HFM1: variants seen among roughly 807,000 people sequenced by gnomAD.
HFM1 encodes the protein probable ATP-dependent DNA helicase HFM1.
A neutral mutation model predicts 192.1 loss-of-function variants in HFM1; 169 were observed. That is an observed-to-expected ratio of 0.88 (90% CI 0.78 to 1.00). HFM1 has a LOEUF of 1.00. Among genes scored for constraint, HFM1 ranks in the 50% least tolerant of loss-of-function variants. The pLI is 0.00. For synonymous variants in HFM1, 525 were observed against 537.8 expected (o/e 0.98, Z 0.33); for missense variants, 1,661 against 1,668.0 (o/e 1.00, Z 0.07).
At chr1:91,299,360 C>T (rs1648276294) in intron 30 of HFM1, among the ~76,000 whole-genome samples, 1 of 152,140 alleles carries the variant, frequency 6.6e-6, no homozygotes, top group African/African-American at 2.4e-5. Flanking sequence ...CCACTGTCAA[C>T]ATTAGACAGA....
In HFM1 at chr1:91,385,566, A is replaced by T; in HGVS notation, c.754+9T>A. The T allele has an allele frequency of 2.5e-6, 4 of 1,604,840 alleles. No individual in the cohort carries two copies. The highest frequency in any genetic ancestry group is 3.4e-6 in the Non-Finnish European group (4 of 1,174,282). On this transcript the variant is annotated intron_variant, in intron 5 of 38. Coordinates refer to ENST00000370425, the MANE Select transcript of HFM1 (RefSeq NM_001017975.6). ...ACTCATAAAATGAACTGAAAAAGCAAGAAATTACCTTGAATATCATGAGGT... is the reference window on the plus strand; with the variant it reads ...ACTCATAAAATGAACTGAAAAAGCATGAAATTACCTTGAATATCATGAGGT...
In HFM1 at chr1:91,276,630, T is replaced by G; in HGVS notation, c.3586A>C (p.Lys1196Gln). Reference sequence around the variant, plus strand: ...GGAAAAATGTTATTAAAACTAACCTTCAGACGTTTAACTGGAGGAACAGAT... The same window carrying G: ...GGAAAAATGTTATTAAAACTAACCTGCAGACGTTTAACTGGAGGAACAGAT... The part of the protein sequence containing the change: ...VSSVPPVKRL[K>Q]IQMNKSQSVD... Residue 1196 changes from lysine to glutamine, a missense_variant and splice_region_variant, in exon 32 of 39, where the codon AAG (lysine) becomes CAG (glutamine). By Grantham distance (53) the Lys-to-Gln change is moderately conservative (BLOSUM62 1). Transcript: ENST00000370425. 2.1e-6 allele frequency: 3 copies of G among 1,436,776 alleles called. No individual in the cohort carries two copies. Among genetic ancestry groups the G allele is most frequent in the Non-Finnish European group, 2.9e-6 (3 of 1,049,936 alleles). The allele number at this position is 1,436,776 out of a possible 1,614,324, so 89.0% of individuals were successfully genotyped here. A position where few individuals can be genotyped will look rare whatever the true frequency, so the allele number is the denominator to read the frequency against.
At chr1:91,278,918 C>T (rs1001556190) in intron 30 of HFM1, among the ~76,000 whole-genome samples, 6 of 152,022 alleles carry the variant, frequency 3.9e-5, no homozygotes, top group Non-Finnish European at 7.4e-5. Flanking sequence ...GTTTCTGAAA[C>T]TAGAGAAAAG....
chr1:91,314,015 A>G lies in HFM1; in HGVS notation c.3186T>C (p.Ala1062=). The change falls in exon 29 of 39, where the codon GCT becomes GCC. Residue 1062 remains alanine, a synonymous_variant. Transcript: ENST00000370425. ...LKAGSWAKKI[A]VKRALKSEDL... is the part of the protein sequence containing the mutation. ...CTTCAGATTTAAGAGCTCTTTTCAC[A>G]GCAATCTTTTTAGCCCAACTTCCAG... 3.1e-6 allele frequency: 5 copies of G among 1,611,446 alleles called. No homozygotes were observed. Among genetic ancestry groups the G allele is most frequent in the Non-Finnish European group, 4.2e-6 (5 of 1,178,328 alleles).
In HFM1 at chr1:91,329,353, A is replaced by T. The variant is rs1653455399; in HGVS notation, c.2336-4587T>A. On this transcript the variant is annotated intron_variant, in intron 20 of 38. Transcript: ENST00000370425. Reference sequence around the variant, plus strand: ...GAGGAGCGAATCCACAGTGGGGTCAAGAGGCTGAGTAAGAGTCATTAAGGC... The same window carrying T: ...GAGGAGCGAATCCACAGTGGGGTCATGAGGCTGAGTAAGAGTCATTAAGGC... 3.7e-6 allele frequency: 6 copies of T among 1,601,178 alleles called. No individual in the cohort carries two copies. The South Asian group carries it at 6.7e-5, about 18-fold the overall frequency.
upstream of HFM1, among the ~76,000 whole-genome samples, chr1:91,407,627 T>C (rs916209475): frequency 6.6e-6 from 1 of 152,250 alleles, no homozygotes; most frequent in Non-Finnish European, 1.5e-5. Context: ...ATACCACATT[T>C]TGTTTATCCA....
In HFM1 at chr1:91,262,502, T is replaced by C. The variant is rs771482382; in HGVS notation, c.4065A>G (p.Gln1355=). 1.9e-6 allele frequency: 3 copies of C among 1,601,440 alleles called. No homozygotes were observed. Among genetic ancestry groups the C allele is most frequent in the Middle Eastern group, 1.7e-4 (1 of 6,028 alleles). Reference sequence around the variant, plus strand: ...TTACAATAACTGCATTTCCGGCTTGTTGAGGTAATTTTGTCATGGAGGATG... The same window carrying C: ...TTACAATAACTGCATTTCCGGCTTGCTGAGGTAATTTTGTCATGGAGGATG... ...FSASSMTKLP[Q]QAGNAVIVHF... is the part of the protein sequence containing the mutation. The change falls in exon 37 of 39, where the codon CAA becomes CAG. Residue 1355 remains glutamine, a synonymous_variant. Coordinates refer to ENST00000370425, the MANE Select transcript of HFM1 (RefSeq NM_001017975.6).
Position 91,394,329 on chromosome 1 carries a change from T to C in HFM1, c.258A>G (p.Leu86=). The C allele has an allele frequency of 1.3e-6, 2 of 1,583,034 alleles. No individual in the cohort carries two copies. Among genetic ancestry groups the C allele is most frequent in the Admixed American group, 3.4e-5 (2 of 59,696 alleles). ...ITNEDTNYIS[L]TQKFQFAFPS... is the part of the protein sequence containing the mutation. ...GAAAGGCAAACTGGAATTTTTGTGT[T>C]AGTGAAATATAATTTGTATCTTCAT... Residue 86 remains leucine (L), a synonymous_variant, in exon 4 of 39, where the codon CTA becomes CTG. Transcript: ENST00000370425.
At chr1:91,374,779 A>C (rs1660702536) in intron 13 of HFM1, among the ~76,000 whole-genome samples, 1 of 152,172 alleles carries the variant, frequency 6.6e-6, no homozygotes, top group Admixed American at 6.6e-5. Context: ...TCAGTAAGGA[A>C]GTCTGGGCCG....
chr1:91,316,013 T>C lies in HFM1; in HGVS notation c.2983-41A>G, dbSNP rs142817087. The C allele has an allele frequency of 2.4e-4, 359 of 1,505,322 alleles. 2 individuals carry two copies. The East Asian group carries it at 7.9e-3, about 33-fold the overall frequency. The allele number at this position is 1,505,322 out of a possible 1,614,324, so 93.2% of individuals were successfully genotyped here. The stretch of plus-strand genomic sequence containing the variant: ...AGTATAAAAAGTGTTAAAAATAACC[T>C]TACTTCTCATACTCAGCTGAAGCCT... On this transcript the variant is annotated intron_variant, in intron 27 of 38. Transcript: ENST00000370425.
intron 38 of HFM1, 191 bp from the exon 39 acceptor site, chr1:91,261,550 G>A (rs1357838315): frequency 2.8e-6 from 1 of 359,682 alleles, no homozygotes; most frequent in African/African-American, 2.1e-5. Context: ...TTCATAAAAT[G>A]CAAATGGTAG....
At chr1:91,325,391 G>A (rs563917228) in intron 20 of HFM1, among the ~76,000 whole-genome samples, 1 of 152,316 alleles carries the variant, frequency 6.6e-6, no homozygotes. Context: ...GTCTGACCCA[G>A]CACAGTCCCA....
chr1:91,318,359 T>C (rs1281770785), intron 25 of HFM1, among the ~76,000 whole-genome samples: 1 of 152,144 alleles, frequency 6.6e-6, no homozygotes, highest in Non-Finnish European at 1.5e-5. Flanking sequence ...TCCCTAAAAA[T>C]CCATTATTTA....
intron 30 of HFM1, among the ~76,000 whole-genome samples, chr1:91,299,545 C>A (rs1376410696): frequency 6.6e-6 from 1 of 152,166 alleles, no homozygotes; most frequent in Non-Finnish European, 1.5e-5. Context: ...TAAAGCTCTC[C>A]TCAGCAAATG....
At chr1:91,325,940 C>T (rs1652828675) in intron 20 of HFM1, among the ~76,000 whole-genome samples, 2 of 151,638 alleles carry the variant, frequency 1.3e-5, no homozygotes, top group African/African-American at 4.8e-5. Context: ...AGCAGAAATC[C>T]TAGAGTTGGA....
At chr1:91,329,395 T>C (rs1286302206) in intron 20 of HFM1, 3 of 1,583,236 alleles carry the variant, frequency 1.9e-6, no homozygotes, top group Non-Finnish European at 2.6e-6. Flanking sequence ...CAGGGCCGCC[T>C]GGATGATTTC....
intron 7 of HFM1, 66 bp from the exon 8 acceptor site, chr1:91,380,302 A>T: frequency 2.2e-6 from 2 of 889,026 alleles, no homozygotes; most frequent in Non-Finnish European, 3.2e-6. Flanking sequence ...TCAATTTGTT[A>T]AAAAAAAAGT....
chr1:91,353,380 T>C, intron 13 of HFM1, 81 bp from the exon 14 acceptor site: 1 of 782,184 alleles, frequency 1.3e-6, no homozygotes, highest in Non-Finnish European at 2.0e-6. Flanking sequence ...TTTTAAAACT[T>C]AGAGATATCA....
At chr1:91,305,652 C>T (rs959141182) in intron 30 of HFM1, among the ~76,000 whole-genome samples, 12 of 151,896 alleles carry the variant, frequency 7.9e-5, no homozygotes, top group Admixed American at 2.0e-4. Context: ...ACTGTAACTT[C>T]GAACACCTGG....
Sources: allele counts gnomAD v4.1 joint callset (sites outside exome capture counted in the v4.1 genomes callset), GRCh38; gene constraint gnomAD v4.1.1; transcripts MANE v1.5; gene names NCBI Gene and HGNC (gene_info 2026-07-23, HGNC 2026-07-21).